The following MAGI1 variants were observed in gnomAD, a reference collection of about 807,000 sequenced individuals.
The protein encoded by MAGI1 is membrane-associated guanylate kinase, WW and PDZ domain-containing protein 1.
Under a neutral mutation model 139.9 loss-of-function variants are expected in MAGI1, and 58 were observed. That is an observed-to-expected ratio of 0.41 (90% CI 0.34 to 0.52). MAGI1 has a LOEUF of 0.52. Among genes scored for constraint, MAGI1 ranks in the 20% least tolerant of loss-of-function variants. The pLI is 0.12. For missense variants in MAGI1, 1,874 were observed against 1,901.6 expected, an observed-to-expected ratio of 0.99 and a Z score of 0.27; for synonymous variants, 812 against 737.9, an observed-to-expected ratio of 1.10 and a Z score of -1.63.
chr3:65,413,678 T>C (rs1256501963), intron 12 of MAGI1, among the ~76,000 whole-genome samples: 3 of 152,192 alleles, frequency 2.0e-5, no homozygotes, highest in Admixed American at 6.5e-5. Context: ...GCTTGGGCTT[T>C]GTTCAGCTAT....
At chr3:65,411,051 A>T (rs977402291) in intron 12 of MAGI1, among the ~76,000 whole-genome samples, 8 of 152,200 alleles carry the variant, frequency 5.3e-5, no homozygotes, top group Non-Finnish European at 1.0e-4. Flanking sequence ...GTTAACTTAA[A>T]ACAACCACTA....
Position 66,028,386 on chromosome 3 carries a change from G to T in MAGI1, c.313+9610C>A, listed in dbSNP as rs187322666. ...TCCTTACAACCACTTTATGACACAGGTAACATTCTCATTTTCAACTGGGAG... is the reference window on the plus strand; with the variant it reads ...TCCTTACAACCACTTTATGACACAGTTAACATTCTCATTTTCAACTGGGAG... On this transcript the variant is annotated intron_variant, in intron 1 of 22. Transcript: ENST00000402939. 2.0e-5 allele frequency among the ~76,000 whole-genome samples: 3 copies of T among 152,224 alleles called. No homozygotes were observed. In the East Asian group the frequency reaches 5.8e-4, roughly 29 times the overall value.
At chr3:65,867,681 A>G in intron 1 of MAGI1, among the ~76,000 whole-genome samples, 1 of 152,150 alleles carries the variant, frequency 6.6e-6, no homozygotes, top group East Asian at 1.9e-4. Flanking sequence ...TGAGCCTAGA[A>G]GTGCAAGGCT....
At position 65,439,938 on chromosome 3, in the gene MAGI1, T is replaced by A; in HGVS notation, c.1211A>T (p.Gln404Leu). The A allele has an allele frequency of 6.2e-7, 1 of 1,613,256 alleles. No individual in the cohort carries two copies. The highest frequency in any genetic ancestry group is 8.5e-7 in the Non-Finnish European group (1 of 1,179,524). Residue 404 changes from glutamine (Q) to leucine (L), a missense_variant, in exon 9 of 23, where the codon CAG (glutamine) becomes CTG (leucine). By Grantham distance (113) the Gln-to-Leu change is moderately radical (BLOSUM62 -2). Coordinates refer to ENST00000402939, the MANE Select transcript of MAGI1 (RefSeq NM_001033057.2). The part of the protein sequence containing the change: ...AKRKKQLEQQ[Q>L]QQQQQQQQQQ... ...CTGTTGCTGCTGCTGTTGCTGCTGC[T>A]GCTGCTGCTCAAGCTGCTTCTTCCG...
intron 1 of MAGI1, among the ~76,000 whole-genome samples, chr3:65,851,400 T>C (rs2059197003): frequency 6.6e-6 from 1 of 152,164 alleles, no homozygotes; most frequent in Non-Finnish European, 1.5e-5. Flanking sequence ...TTGCCTTATT[T>C]GGATTTTGAT....
At chr3:65,714,810 C>CCCT (rs1559813159) in intron 1 of MAGI1, among the ~76,000 whole-genome samples, 5 of 152,094 alleles carry the variant, frequency 3.3e-5, no homozygotes, top group African/African-American at 1.2e-4. Context: ...ACACACCCCC[C>CCCT]ACAACACCAA....
At chr3:66,030,999 G>A (rs750221667) in intron 1 of MAGI1, among the ~76,000 whole-genome samples, 6 of 152,140 alleles carry the variant, frequency 3.9e-5, no homozygotes, top group Non-Finnish European at 8.8e-5. Flanking sequence ...GACCAACCTT[G>A]ACATCTGTTG....
At chr3:65,881,044 G>T (rs1165562851) in intron 1 of MAGI1, among the ~76,000 whole-genome samples, 2 of 151,884 alleles carry the variant, frequency 1.3e-5, no homozygotes, top group Non-Finnish European at 2.9e-5. Flanking sequence ...ACTAGCTGGG[G>T]CTACCTAATT....
chr3:65,534,610 A>G (rs1287654265), intron 2 of MAGI1, among the ~76,000 whole-genome samples: 1 of 152,180 alleles, frequency 6.6e-6, no homozygotes, highest in Non-Finnish European at 1.5e-5. Flanking sequence ...GTTCGCTGAG[A>G]GCTAACATGA....
intron 2 of MAGI1, among the ~76,000 whole-genome samples, chr3:65,519,335 GACACACACACACAC>G (rs35232258): frequency 0.089 from 12,416 of 139,072 alleles, 889 homozygotes; most frequent in East Asian, 0.43. Context: ...ATCATGATCT[GACACACACACACAC>G]ACACACACAC....
intron 1 of MAGI1, among the ~76,000 whole-genome samples, chr3:65,929,939 T>C (rs1012635245): frequency 1.3e-5 from 2 of 152,188 alleles, no homozygotes; most frequent in African/African-American, 2.4e-5. Context: ...TTGAACCAAG[T>C]TGCAGTTTCC....
rs191454906 is a variant in MAGI1, at chr3:65,862,972, T to C, written c.313+175024A>G. On this transcript the variant is annotated intron_variant, in intron 1 of 22. Transcript: ENST00000402939. ...AGAATGAAACCTGACCTCCCTAGCA[T>C]GGCATTCAAGGTCTCCCCTAATCCA... Among the ~76,000 whole-genome samples, 53 of 152,330 alleles carry C rather than the reference T, an allele frequency of 3.5e-4. No individual in the cohort carries two copies. The South Asian group carries it at 3.9e-3, about 11-fold the overall frequency.
intron 1 of MAGI1, among the ~76,000 whole-genome samples, chr3:65,897,195 G>A (rs1005086945): frequency 6.6e-6 from 1 of 152,134 alleles, no homozygotes; most frequent in Non-Finnish European, 1.5e-5. Flanking sequence ...GGAAAAACAG[G>A]TGAGTTTTTG....
chr3:65,371,741 T>C (rs1942023191), intron 18 of MAGI1, among the ~76,000 whole-genome samples: 1 of 152,218 alleles, frequency 6.6e-6, no homozygotes, highest in Non-Finnish European at 1.5e-5. Context: ...TTTGTTGTCA[T>C]TTCAACAAAG....
intron 2 of MAGI1, among the ~76,000 whole-genome samples, chr3:65,515,322 AT>A (rs1461082959): frequency 6.6e-6 from 1 of 152,140 alleles, no homozygotes; most frequent in Non-Finnish European, 1.5e-5. Flanking sequence ...AAAAAGTTAC[AT>A]TTGAAGACAG....
intron 1 of MAGI1, among the ~76,000 whole-genome samples, chr3:65,826,685 T>C (rs2042247689): frequency 6.6e-6 from 1 of 152,218 alleles, no homozygotes; most frequent in Non-Finnish European, 1.5e-5. Context: ...TTGTCTCTAA[T>C]TACATTAAGG....
chr3:65,401,701 T>A lies in MAGI1; in HGVS notation c.2168-231A>T, dbSNP rs569797801. On this transcript the variant is annotated intron_variant, in intron 12 of 22. Coordinates refer to ENST00000402939, the MANE Select transcript of MAGI1 (RefSeq NM_001033057.2). ...TATCTGCATTAGCTATGCTGACTTG[T>A]ACTGCAGCAGCCTGGAGGCTGGGAA... 2.0e-6 allele frequency: 3 copies of A among 1,528,872 alleles called. No homozygotes were observed. The African/African-American group carries it at 4.1e-5, about 21-fold the overall frequency. The allele number at this position is 1,528,872 out of a possible 1,614,324, so 94.7% of individuals were successfully genotyped here.
At chr3:65,790,696 T>C (rs563421316) in intron 1 of MAGI1, among the ~76,000 whole-genome samples, 110 of 152,298 alleles carry the variant, frequency 7.2e-4, no homozygotes, top group African/African-American at 2.4e-3. Context: ...ACCCAAAGCA[T>C]CATGACATTT....
At chr3:65,855,336 T>G (rs899356148) in intron 1 of MAGI1, among the ~76,000 whole-genome samples, 1 of 151,436 alleles carries the variant, frequency 6.6e-6, no homozygotes, top group African/African-American at 2.4e-5. Flanking sequence ...TCCCAACACT[T>G]TGGGAGACAA....
Sources: allele counts gnomAD v4.1 joint callset (sites outside exome capture counted in the v4.1 genomes callset), GRCh38; gene constraint gnomAD v4.1.1; transcripts MANE v1.5; gene names NCBI Gene and HGNC (gene_info 2026-07-23, HGNC 2026-07-21).